The following PCDHGA6 variants were observed in gnomAD, a reference collection of about 807,000 sequenced individuals.
PCDHGA6 encodes the protein protocadherin gamma-A6.
Under a neutral mutation model 60.6 loss-of-function variants are expected in PCDHGA6, and 41 were observed. The observed-to-expected ratio is 0.68, with a 90% CI of 0.53 to 0.88. The LOEUF (loss-of-function observed/expected upper bound fraction) is 0.88. Ranked by LOEUF, PCDHGA6 falls within the 40% of genes least tolerant of loss-of-function variation. PCDHGA6 has a pLI of 0.00. For synonymous variants in PCDHGA6, 594 were observed against 524.4 expected (o/e 1.13, Z -1.81); for missense variants, 1,312 against 1,203.0 (o/e 1.09, Z -1.34).
At chr5:141,413,460 C>T (rs1561742736) in intron 1 of PCDHGA6, 4 of 1,613,974 alleles carry the variant, frequency 2.5e-6, no homozygotes, top group Middle Eastern at 1.6e-4. Context: ...GCAGGATAGA[C>T]CGGGAGGAGC....
At chr5:141,381,078 T>C (rs1776973656) in intron 1 of PCDHGA6, among the ~76,000 whole-genome samples, 1 of 152,250 alleles carries the variant, frequency 6.6e-6, no homozygotes, top group African/African-American at 2.4e-5. Flanking sequence ...ATGGATTATT[T>C]TGATAGATCA....
Position 141,400,778 on chromosome 5 carries a change from T to A in PCDHGA6, c.2424+24271T>A, listed in dbSNP as rs1589424490. ...TCTCTAGCAAAAACATTTGGTGCGT[T>A]TTTTTGTCCTCTTTCTCAAAGCTAA... On this transcript the variant is annotated intron_variant, in intron 1 of 3. Coordinates refer to ENST00000517434, the MANE Select transcript of PCDHGA6 (RefSeq NM_018919.3). 6 of 568,120 alleles carry A rather than the reference T, an allele frequency of 1.1e-5. No individual in the cohort carries two copies. The East Asian group carries it at 1.7e-4, about 16-fold the overall frequency. 35.2% of individuals were successfully genotyped at this position (568,120 alleles called of 1,614,324 possible).
chr5:141,509,577 C>G (rs569743928), intron 3 of PCDHGA6, among the ~76,000 whole-genome samples: 2 of 152,320 alleles, frequency 1.3e-5, no homozygotes, highest in African/African-American at 2.4e-5. Context: ...ACAGTGCGTA[C>G]AAATCAGCTG....
In PCDHGA6 at chr5:141,390,024, C is replaced by T. The variant is rs1449274096; in HGVS notation, c.2424+13517C>T. ...GATTCTGGCCATTGCCTTGCGCCTG[C>T]GACGCTCCTCCAGCCCCGCCTCCTG... On this transcript the variant is annotated intron_variant, in intron 1 of 3. Transcript: ENST00000517434. 6 of 1,613,926 alleles carry T rather than the reference C, an allele frequency of 3.7e-6. No homozygotes were observed. In the African/African-American group the frequency reaches 4.0e-5, roughly 11 times the overall value.
chr5:141,500,234 A>T (rs2099798212), intron 2 of PCDHGA6, among the ~76,000 whole-genome samples: 1 of 148,996 alleles, frequency 6.7e-6, no homozygotes, highest in Non-Finnish European at 1.5e-5. Context: ...ATTGATACGT[A>T]GCCTTGCTCT....
intron 1 of PCDHGA6, among the ~76,000 whole-genome samples, chr5:141,401,352 G>C (rs1381325058): frequency 6.6e-6 from 1 of 152,080 alleles, no homozygotes; most frequent in Non-Finnish European, 1.5e-5. Flanking sequence ...CAAAAAAAAG[G>C]AAGGAGAAGG....
chr5:141,506,109 A>G (rs1027886504), intron 3 of PCDHGA6, among the ~76,000 whole-genome samples: 5 of 152,126 alleles, frequency 3.3e-5, no homozygotes, highest in Middle Eastern at 3.2e-3. Flanking sequence ...GTCCCTGAAG[A>G]GTCACTAGGG....
In PCDHGA6 at chr5:141,419,435, C is replaced by A. The variant is rs2096382649; in HGVS notation, c.2424+42928C>A. The A allele has an allele frequency of 2.5e-6, 4 of 1,613,108 alleles. No individual in the cohort carries two copies. In the African/African-American group the frequency reaches 4.0e-5, roughly 16 times the overall value. ...GCGCGCCTTCGACCACGAGCAGCTG[C>A]GCACCTTCGAGCTCACGCTGCAGGC... is the stretch of plus-strand genomic sequence containing the variant. On this transcript the variant is annotated intron_variant, in intron 1 of 3. Transcript: ENST00000517434.
At chr5:141,404,684 G>GT in intron 1 of PCDHGA6, 1 of 1,614,104 alleles carries the variant, frequency 6.2e-7, no homozygotes, top group Non-Finnish European at 8.5e-7. Flanking sequence ...TGTGGAGCTG[G>GT]CACCCCGCTC....
chr5:141,396,439 T>C (rs1191341482), intron 1 of PCDHGA6: 1 of 152,138 alleles, frequency 6.6e-6, no homozygotes, highest in African/African-American at 2.4e-5. Flanking sequence ...GCAAACATGG[T>C]GAAACCCCGT....
rs1236961370 is a variant in PCDHGA6, at chr5:141,512,621, C to T, written c.*1448C>T. 1 of 152,964 alleles carries T rather than the reference C, an allele frequency of 6.5e-6. No homozygotes were observed. The highest frequency in any genetic ancestry group is 1.5e-5 in the Non-Finnish European group (1 of 68,612). 9.5% of individuals were successfully genotyped at this position (152,964 alleles called of 1,614,324 possible). A position where few individuals can be genotyped will look rare whatever the true frequency, so the allele number is the denominator to read the frequency against. Reference sequence around the variant, plus strand: ...CCATCCAGCGGGGCTGCCAGAGAACCCCAGACCTGCCCTTACAGTAGTGTA... The same window carrying T: ...CCATCCAGCGGGGCTGCCAGAGAACTCCAGACCTGCCCTTACAGTAGTGTA... On this transcript the variant is annotated 3_prime_UTR_variant, in exon 4 of 4. Coordinates refer to ENST00000517434, the MANE Select transcript of PCDHGA6 (RefSeq NM_018919.3).
intron 1 of PCDHGA6, chr5:141,412,044 A>T (rs1403784619): frequency 6.6e-6 from 1 of 152,194 alleles, no homozygotes; most frequent in East Asian, 1.9e-4. Context: ...AAAGAAGTGA[A>T]CTTCTATACC....
intron 1 of PCDHGA6, among the ~76,000 whole-genome samples, chr5:141,468,047 G>A (rs901583535): frequency 2.0e-5 from 3 of 152,050 alleles, no homozygotes; most frequent in Non-Finnish European, 2.9e-5. Context: ...AAACTAAGCC[G>A]GGCACAGTGG....
At position 141,384,552 on chromosome 5, in the gene PCDHGA6, C is replaced by A. The variant is rs752995629; in HGVS notation, c.2424+8045C>A. ...GCAGCAACATGTCACTGAGCCTGTTCGTGCTGGACCAGAATGACAACCCGC... is the reference window on the plus strand; with the variant it reads ...GCAGCAACATGTCACTGAGCCTGTTAGTGCTGGACCAGAATGACAACCCGC... On this transcript the variant is annotated intron_variant, in intron 1 of 3. Transcript: ENST00000517434. 1.4e-5 allele frequency: 22 copies of A among 1,614,148 alleles called. No individual in the cohort carries two copies. In the Admixed American group the frequency reaches 3.0e-4, roughly 22 times the overall value.
intron 1 of PCDHGA6, chr5:141,422,068 T>C (rs1340696188): frequency 2.5e-6 from 4 of 1,612,076 alleles, no homozygotes; most frequent in Non-Finnish European, 3.4e-6. Flanking sequence ...AGTAATGTAT[T>C]CATTTCGGAA....
intron 1 of PCDHGA6, among the ~76,000 whole-genome samples, chr5:141,444,150 GGATTT>G (rs2098419598): frequency 1.8e-5 from 2 of 114,012 alleles, no homozygotes; most frequent in Non-Finnish European, 3.5e-5. Flanking sequence ...TGTGTGTACT[GGATTT>G]TTTTTTTTTT....
intron 1 of PCDHGA6, chr5:141,393,919 T>C: frequency 6.2e-7 from 1 of 1,613,992 alleles, no homozygotes; most frequent in Non-Finnish European, 8.5e-7. Flanking sequence ...ATTGCCTTCT[T>C]GAGTGTGCAT....
chr5:141,501,945 T>C (rs1318749969), intron 2 of PCDHGA6, among the ~76,000 whole-genome samples: 1 of 152,106 alleles, frequency 6.6e-6, no homozygotes, highest in Non-Finnish European at 1.5e-5. Context: ...CACTGCTCCC[T>C]GTGACAGGTC....
intron 1 of PCDHGA6, chr5:141,468,586 G>C (rs1232477889): frequency 1.3e-5 from 2 of 152,176 alleles, no homozygotes; most frequent in East Asian, 1.9e-4. Context: ...GGTACTAAAG[G>C]CTGGGCGCGG....
Sources: gnomAD v4.1 joint callset for allele counts (sites outside exome capture counted in the v4.1 genomes callset) on GRCh38, gnomAD v4.1.1 for gene constraint, MANE v1.5 for transcripts, NCBI Gene and HGNC (gene_info 2026-07-23, HGNC 2026-07-21) for gene names.